CCDC18: variants seen among roughly 807,000 people sequenced by gnomAD.
CCDC18 encodes the protein coiled-coil domain containing 18, also known as coiled-coil domain-containing protein 18.
Under a neutral mutation model 196.0 loss-of-function variants are expected in CCDC18, and 157 were observed. The ratio of observed to expected loss-of-function variants is 0.80; its 90% confidence interval spans 0.70 to 0.91. The LOEUF (loss-of-function observed/expected upper bound fraction) is 0.91. CCDC18 is among the 40% of genes least tolerant of loss of function. CCDC18 has a pLI of 0.00. For missense variants in CCDC18, 1,465 were observed against 1,611.6 expected (o/e 0.91, Z 1.56); for synonymous variants, 482 against 529.2 (o/e 0.91, Z 1.22).
chr1:93,259,437 A>G (rs1419265221), intron 26 of CCDC18, among the ~76,000 whole-genome samples: 1 of 152,200 alleles, frequency 6.6e-6, no homozygotes, highest in African/African-American at 2.4e-5. Flanking sequence ...CATCTTTTTA[A>G]AAACTACATT....
chr1:93,213,596 T>C (rs1656031142), intron 11 of CCDC18, among the ~76,000 whole-genome samples: 1 of 152,184 alleles, frequency 6.6e-6, no homozygotes, highest in African/African-American at 2.4e-5. Context: ...AAAATAGTTA[T>C]CTCTTGTGAT....
intron 19 of CCDC18, among the ~76,000 whole-genome samples, chr1:93,237,985 G>C (rs1211492466): frequency 6.6e-6 from 1 of 151,916 alleles, no homozygotes; most frequent in African/African-American, 2.4e-5. Flanking sequence ...GGTATCTCAG[G>C]GTTATCATTA....
At chr1:93,204,636 A>G (rs1198000216) in intron 7 of CCDC18, among the ~76,000 whole-genome samples, 2 of 152,158 alleles carry the variant, frequency 1.3e-5, no homozygotes, top group East Asian at 3.8e-4. Flanking sequence ...AAATACTGAG[A>G]TCAAGGAGAA....
In CCDC18 at chr1:93,189,044, T is replaced by C. The variant is rs139245420; in HGVS notation, c.462+2541T>C. Among the ~76,000 whole-genome samples the C allele has an allele frequency of 1.2e-3, 178 of 152,344 alleles. 1 individual carries two copies. The highest frequency in any genetic ancestry group is 6.8e-3 in the Middle Eastern group (2 of 294). Reference sequence around the variant, plus strand: ...TTATTATTGACTATAGTCACCCTGTTGTGCTATAAAATAGTAGTTCTTATT... The same window carrying C: ...TTATTATTGACTATAGTCACCCTGTCGTGCTATAAAATAGTAGTTCTTATT... On this transcript the variant is annotated intron_variant, in intron 4 of 28. Coordinates refer to ENST00000690025, the MANE Select transcript of CCDC18 (RefSeq NM_001378204.1).
chr1:93,223,900 TACACACACACACACAC>T (rs60165485), intron 16 of CCDC18, among the ~76,000 whole-genome samples: 25,410 of 141,320 alleles, frequency 0.18, 2,364 homozygotes, highest in African/African-American at 0.22. Flanking sequence ...CATTTATTTA[TACACACACACACACAC>T]ACACACACAC....
At chr1:93,183,908 T>C (rs954020967) in intron 2 of CCDC18, 70 bp from the exon 3 acceptor site, 1 of 978,878 alleles carries the variant, frequency 1.0e-6, no homozygotes, top group Admixed American at 2.8e-5. Context: ...TATTTTCTTA[T>C]TTAATGTATA....
chr1:93,227,703 C>T (rs1658598578), intron 17 of CCDC18, among the ~76,000 whole-genome samples: 2 of 151,750 alleles, frequency 1.3e-5, no homozygotes, highest in South Asian at 2.1e-4. Context: ...CCTATAAGCC[C>T]AGCACTTGGG....
chr1:93,264,552 C>A, intron 26 of CCDC18, 149 bp from the exon 27 acceptor site: 1 of 529,448 alleles, frequency 1.9e-6, no homozygotes, highest in Non-Finnish European at 3.3e-6. Flanking sequence ...CTCTAGTATT[C>A]ATTGAGAAAT....
intron 3 of CCDC18, 50 bp from the exon 4 acceptor site, chr1:93,186,295 C>CATTCAATTACATGTTACATGTAA: frequency 6.6e-7 from 1 of 1,509,340 alleles, no homozygotes; most frequent in Non-Finnish European, 9.1e-7. Context: ...TTACATGTAA[C>CATTCAATTACATGTTACATGTAA]CCTTAATTGA....
At chr1:93,186,043 C>A (rs1650618601) in intron 3 of CCDC18, among the ~76,000 whole-genome samples, 1 of 151,868 alleles carries the variant, frequency 6.6e-6, no homozygotes, top group Non-Finnish European at 1.5e-5. Flanking sequence ...AAGTTTTTAT[C>A]AGGTTTATGT....
chr1:93,273,268 C>T (rs1665448040), intron 28 of CCDC18, among the ~76,000 whole-genome samples: 1 of 152,100 alleles, frequency 6.6e-6, no homozygotes, highest in Non-Finnish European at 1.5e-5. Flanking sequence ...CGGGGTTTCA[C>T]TGTGTTAGCC....
chr1:93,266,783 G>C (rs1470833047), intron 27 of CCDC18, among the ~76,000 whole-genome samples: 1 of 152,176 alleles, frequency 6.6e-6, no homozygotes, highest in Admixed American at 6.5e-5. Flanking sequence ...AACAGGTTCT[G>C]AAATTGAGGC....
chr1:93,248,972 CAAAAAAAAAAAA>C (rs71586786), intron 23 of CCDC18, among the ~76,000 whole-genome samples: 1 of 95,760 alleles, frequency 1.0e-5, no homozygotes, highest in Non-Finnish European at 2.2e-5. Context: ...AACCCTGTCT[CAAAAAAAAAAAA>C]AAAAAAAAAA....
chr1:93,240,072 C>T (rs137954607), intron 21 of CCDC18, among the ~76,000 whole-genome samples, 176 bp downstream of exon 21: 12 of 152,128 alleles, frequency 7.9e-5, no homozygotes, highest in African/African-American at 2.9e-4. Flanking sequence ...TGTTGGCCGC[C>T]AAAACTTTCA....
upstream of CCDC18, chr1:93,180,618 G>A (rs1310399024): frequency 7.4e-7 from 1 of 1,342,406 alleles, no homozygotes; most frequent in African/African-American, 1.6e-5. Context: ...GGGCGCGCTC[G>A]CCGACCACGA....
At chr1:93,244,904 GCTT>G (rs35885611) in intron 21 of CCDC18, among the ~76,000 whole-genome samples, 29,780 of 151,896 alleles carry the variant, frequency 0.2, 3,317 homozygotes, top group African/African-American at 0.3. Context: ...TACATGGTCA[GCTT>G]CTTCTTGTCC....
intron 3 of CCDC18, among the ~76,000 whole-genome samples, chr1:93,185,386 C>T (rs1377298260): frequency 2.0e-5 from 3 of 151,822 alleles, no homozygotes; most frequent in Non-Finnish European, 4.4e-5. Flanking sequence ...TGTAGACACC[C>T]TGCAGGATAT....
intron 28 of CCDC18, among the ~76,000 whole-genome samples, chr1:93,277,753 T>C (rs565095396): frequency 1.4e-3 from 220 of 152,174 alleles, no homozygotes; most frequent in Non-Finnish European, 2.5e-3. Flanking sequence ...CCCCACATAA[T>C]TGTCTTTTGT....
At chr1:93,192,445 T>G (rs190282726) in intron 5 of CCDC18, among the ~76,000 whole-genome samples, 52 of 152,350 alleles carry the variant, frequency 3.4e-4, no homozygotes, top group African/African-American at 1.3e-3. Context: ...ACTTTTATTA[T>G]TTTTACAGAA....
Sources: gnomAD v4.1 joint callset for allele counts (sites outside exome capture counted in the v4.1 genomes callset) on GRCh38, gnomAD v4.1.1 for gene constraint, MANE v1.5 for transcripts, NCBI Gene and HGNC (gene_info 2026-07-23, HGNC 2026-07-21) for gene names.